The following DHX37 variants were observed in gnomAD, a reference collection of about 807,000 sequenced individuals.
DHX37 encodes the protein probable ATP-dependent RNA helicase DHX37.
Under a neutral mutation model 134.3 loss-of-function variants are expected in DHX37, and 52 were observed. The ratio of observed to expected loss-of-function variants is 0.39; its 90% CI spans 0.31 to 0.49. DHX37 has a LOEUF of 0.49. Among genes scored for constraint, DHX37 ranks in the 20% least tolerant of loss-of-function variants. The probability of loss-of-function intolerance (pLI) is 0.93; values close to 1 mark genes in which losing one functional copy is unlikely to be tolerated. For missense variants in DHX37, 1,344 were observed against 1,580.8 expected (o/e 0.85, Z 2.54); for synonymous variants, 634 against 670.7 (o/e 0.95, Z 0.85).
intron 6 of DHX37, among the ~76,000 whole-genome samples, chr12:124,974,763 A>G (rs550005979): frequency 6.6e-6 from 1 of 151,374 alleles, no homozygotes; most frequent in South Asian, 2.1e-4. Flanking sequence ...AGTCCTACAG[A>G]CTTACCGCCT....
At chr12:124,985,979 C>G in intron 2 of DHX37, 117 bp downstream of exon 2, 1 of 1,326,686 alleles carries the variant, frequency 7.5e-7, no homozygotes, top group Non-Finnish European at 1.0e-6. Context: ...CTGGAATTTT[C>G]CTCATTCCAG....
intron 15 of DHX37, among the ~76,000 whole-genome samples, chr12:124,962,919 G>A (rs1322024200): frequency 5.3e-5 from 8 of 152,180 alleles, no homozygotes; most frequent in African/African-American, 1.2e-4. Context: ...TGTCAAATGG[G>A]GCAGCTGCTG....
At position 124,977,426 on chromosome 12, in the gene DHX37, T is replaced by C; in HGVS notation, c.803A>G (p.His268Arg). The C allele has an allele frequency of 6.2e-7, 1 of 1,610,756 alleles. No homozygotes were observed. Among genetic ancestry groups the C allele is most frequent in the Non-Finnish European group, 8.5e-7 (1 of 1,178,770 alleles). ...EQVIMEAVAEHPIVIVCGETG... is the reference protein window; with the variant it reads ...EQVIMEAVAERPIVIVCGETG... ...CTCACCACACACGATGACGATGGGG[T>C]GCTCGGCCACAGCCTCCATGATTAC... Residue 268 changes from histidine (H) to arginine (R), a missense_variant, in exon 5 of 27, where the codon CAC becomes CGC. This residue lies in a region of DHX37 where 77 missense variants were observed against 121.6 expected (regional missense o/e 0.63). Transcript: ENST00000308736.
chr12:124,979,683 G>A (rs1301544001), intron 4 of DHX37, among the ~76,000 whole-genome samples: 2 of 152,194 alleles, frequency 1.3e-5, no homozygotes, highest in South Asian at 2.1e-4. Context: ...AAGAAAAGCA[G>A]GAACTGAAGT....
At chr12:124,982,480 G>A (rs777716962) in intron 3 of DHX37, 31 bp downstream of exon 3, 5 of 1,610,812 alleles carry the variant, frequency 3.1e-6, no homozygotes, top group Non-Finnish European at 4.2e-6. Flanking sequence ...CTGGAGGGAG[G>A]GCAGGGTTAG....
intron 4 of DHX37, among the ~76,000 whole-genome samples, chr12:124,978,520 GT>G (rs1305989246): frequency 6.6e-6 from 1 of 151,182 alleles, no homozygotes; most frequent in Non-Finnish European, 1.5e-5. Flanking sequence ...GTTTCACCAC[GT>G]TGGCCAGGCT....
At chr12:124,985,946 T>G in intron 2 of DHX37, 150 bp downstream of exon 2, 1 of 850,396 alleles carries the variant, frequency 1.2e-6, no homozygotes, top group Non-Finnish European at 1.8e-6. Flanking sequence ...ATGTGGTTAG[T>G]GGCTACCGCA....
At chr12:124,964,195 CAAAAAAAAAA>C (rs397692928) in intron 15 of DHX37, among the ~76,000 whole-genome samples, 189 bp downstream of exon 15, 1 of 57,464 alleles carries the variant, frequency 1.7e-5, no homozygotes, top group East Asian at 4.7e-4. Context: ...AACTCCATCT[CAAAAAAAAAA>C]AAAAAAAAAA....
At position 124,965,546 on chromosome 12, in the gene DHX37, C is replaced by T. The variant is rs1274510472; in HGVS notation, c.1735+122G>A. 5 of 1,418,946 alleles carry T rather than the reference C, an allele frequency of 3.5e-6. No homozygotes were observed. The African/African-American group carries it at 4.3e-5, about 12-fold the overall frequency. The allele number at this position is 1,418,946 out of a possible 1,614,324, so 87.9% of individuals were successfully genotyped here. On this transcript the variant is annotated intron_variant, in intron 13 of 26. Transcript: ENST00000308736. The stretch of plus-strand genomic sequence containing the variant: ...TCCTCGTGCCAGGCAGTTTCAAGAA[C>T]TCAGGAAGCATCGGGGACAAAGCTG...
At chr12:124,971,572 G>A (rs1224215220) in intron 7 of DHX37, 157 bp from the exon 8 acceptor site, 3 of 806,560 alleles carry the variant, frequency 3.7e-6, no homozygotes, top group Non-Finnish European at 4.5e-6. Context: ...CAGAGTGGGA[G>A]GGCAGGTGGG....
intron 24 of DHX37, 30 bp from the exon 25 acceptor site, chr12:124,950,089 C>G (rs369737590): frequency 2.5e-6 from 4 of 1,613,822 alleles, no homozygotes; most frequent in Non-Finnish European, 3.4e-6. Context: ...AGGGGTGAGG[C>G]CCGGGCTGCT....
rs1232622980 is a variant in DHX37, at chr12:124,988,948, G to A, written c.75C>T (p.Pro25=). The change falls in exon 1 of 27, where the codon CCC becomes CCT. Residue 25 remains proline, a synonymous_variant. Transcript: ENST00000308736. ...GTTCCAGCTGCACGGGGGGCGGCTC[G>A]GGGGGGCCCTTCGAGGGTCCGGGGC... ...QAGPGPSKGP[P]EPPPVQLELE... is the part of the protein sequence containing the mutation. The A allele has an allele frequency of 1.5e-6, 2 of 1,338,036 alleles. No homozygotes were observed. The highest frequency in any genetic ancestry group is 1.9e-6 in the Non-Finnish European group (2 of 1,035,192). The allele number at this position is 1,338,036 out of a possible 1,614,324, so 82.9% of individuals were successfully genotyped here.
chr12:124,961,181 C>T (rs570131884), intron 15 of DHX37, among the ~76,000 whole-genome samples: 4 of 24,288 alleles, frequency 1.6e-4, no homozygotes, highest in Admixed American at 9.6e-4. Context: ...CGCGCGCATG[C>T]GCGCACGCAC....
chr12:124,964,088 G>A (rs1954327261), intron 15 of DHX37, among the ~76,000 whole-genome samples: 2 of 151,412 alleles, frequency 1.3e-5, no homozygotes, highest in Admixed American at 6.6e-5. Context: ...CCAGCTATTT[G>A]GGAGGCTAAG....
intron 21 of DHX37, among the ~76,000 whole-genome samples, chr12:124,951,545 T>C (rs1048486716): frequency 1.3e-5 from 2 of 152,212 alleles, no homozygotes; most frequent in Non-Finnish European, 2.9e-5. Context: ...ATGATAATGG[T>C]TGCAAAACTC....
chr12:124,957,466 G>A (rs1448418967), intron 16 of DHX37, among the ~76,000 whole-genome samples: 1 of 152,168 alleles, frequency 6.6e-6, no homozygotes, highest in Non-Finnish European at 1.5e-5. Flanking sequence ...GACCAGGAGG[G>A]GCCACAGGTA....
intron 16 of DHX37, among the ~76,000 whole-genome samples, chr12:124,959,105 G>A (rs1352817106): frequency 2.2e-5 from 3 of 133,868 alleles, no homozygotes; most frequent in African/African-American, 9.1e-5. Context: ...ACGGAGTCTC[G>A]CCCTGTCACC....
At chr12:124,965,562 G>C in intron 13 of DHX37, 106 bp downstream of exon 13, 1 of 1,451,472 alleles carries the variant, frequency 6.9e-7, no homozygotes, top group Non-Finnish European at 9.1e-7. Context: ...AAGCATCGGG[G>C]ACAAAGCTGC....
intron 13 of DHX37, among the ~76,000 whole-genome samples, 178 bp from the exon 14 acceptor site, chr12:124,965,184 C>T (rs1167750775): frequency 6.6e-6 from 1 of 152,226 alleles, no homozygotes; most frequent in Non-Finnish European, 1.5e-5. Flanking sequence ...TGAGAGGTTC[C>T]CAGGGGCTCT....
Sources: gnomAD v4.1 joint callset for allele counts (sites outside exome capture counted in the v4.1 genomes callset) on GRCh38, gnomAD v4.1.1 for gene constraint, gnomAD v4.1.1 regional missense constraint, MANE v1.5 for transcripts, NCBI Gene and HGNC (gene_info 2026-07-23, HGNC 2026-07-21) for gene names.